Variants in C8B observed in about 807,000 individuals in gnomAD.
C8B encodes the protein complement C8 beta chain, also known as complement component C8 beta chain.
C8B carries 67 observed loss-of-function variants against 64.6 expected under a neutral mutation model. The ratio of observed to expected loss-of-function variants is 1.04; its 90% CI spans 0.85 to 1.27. The LOEUF is 1.27. Ranked by LOEUF, C8B falls within the 50% of genes most tolerant of loss-of-function variation. The pLI is 0.00. For synonymous variants in C8B, 284 were observed against 257.7 expected (o/e 1.10, Z -0.98); for missense variants, 790 against 725.2 (o/e 1.09, Z -1.03).
chr1:56,936,146 A>G (rs1644771665), intron 9 of C8B, among the ~76,000 whole-genome samples: 1 of 152,242 alleles, frequency 6.6e-6, no homozygotes, highest in Non-Finnish European at 1.5e-5. Context: ...CAACTTGTCA[A>G]ATTATTTCTT....
chr1:56,956,320 G>A (rs1570401911), intron 3 of C8B, among the ~76,000 whole-genome samples: 1 of 152,084 alleles, frequency 6.6e-6, no homozygotes, highest in East Asian at 1.9e-4. Context: ...AGACCTGTAA[G>A]GTATTCACAT....
chr1:56,965,739 T>C, intron 1 of C8B, 118 bp downstream of exon 1: 1 of 1,047,362 alleles, frequency 9.5e-7, no homozygotes, highest in Non-Finnish European at 1.5e-6. Flanking sequence ...TGCATGCAAA[T>C]TGCCTTAAGA....
intron 6 of C8B, among the ~76,000 whole-genome samples, chr1:56,946,370 G>A (rs183796234): frequency 3.3e-5 from 5 of 152,258 alleles, no homozygotes; most frequent in East Asian, 1.9e-4. Flanking sequence ...TCTCTGATGG[G>A]ACATGGGGTT....
rs763423680 is a variant in C8B at position 56,952,091 on chromosome 1, G to A, written c.623C>T (p.Thr208Met). ...GGCSPHYILNTRFRKPYNVES... is the reference protein window; with the variant it reads ...GGCSPHYILNMRFRKPYNVES... Reference sequence around the variant, plus strand: ...CACATTGTAGGGCTTCCTAAACCTCGTGTTCAGGATGTAATGCGGGGAGCA... The same window carrying A: ...CACATTGTAGGGCTTCCTAAACCTCATGTTCAGGATGTAATGCGGGGAGCA... The change falls in exon 5 of 12, where the codon ACG (threonine) becomes ATG (methionine). Residue 208 changes from threonine (T) to methionine (M), a missense_variant. Transcript: ENST00000371237. 34 of 1,614,000 alleles carry A rather than the reference G, an allele frequency of 2.1e-5. No homozygotes were observed. Among genetic ancestry groups the A allele is most frequent in the East Asian group, 4.5e-5 (2 of 44,886 alleles).
At chr1:56,936,322 T>G (rs1361518321) in intron 9 of C8B, among the ~76,000 whole-genome samples, 2 of 152,230 alleles carry the variant, frequency 1.3e-5, no homozygotes, top group Admixed American at 6.5e-5. Context: ...TTGAGTATTG[T>G]AGACTTTCAA....
In C8B at chr1:56,940,416, T is replaced by A. The variant is rs971425800; in HGVS notation, c.1398+433A>T. 1.3e-4 allele frequency among the ~76,000 whole-genome samples: 19 copies of A among 149,970 alleles called. 1 individual carries two copies. In the East Asian group the frequency reaches 1.4e-3, roughly 11 times the overall value. ...CCCATTTCTAAAAAAAAAAAAAAAA[T>A]TTAATTAGCCAGGTGTGGTGTCATG... On this transcript the variant is annotated intron_variant, in intron 9 of 11. Coordinates refer to ENST00000371237, the MANE Select transcript of C8B (RefSeq NM_000066.4).
chr1:56,936,606 T>TA (rs1557728353), intron 9 of C8B, among the ~76,000 whole-genome samples: 1 of 151,552 alleles, frequency 6.6e-6, no homozygotes, highest in Non-Finnish European at 1.5e-5. Context: ...CTTTTCTTTT[T>TA]TTTTTTGAGA....
At position 56,965,748 on chromosome 1, in the gene C8B, G is replaced by A. The variant is rs894191981; in HGVS notation, c.92+109C>T. The A allele has an allele frequency of 1.5e-5, 18 of 1,214,156 alleles. No homozygotes were observed. The African/African-American group carries it at 2.1e-4, about 14-fold the overall frequency. The allele number at this position is 1,214,156 out of a possible 1,614,324, so 75.2% of individuals were successfully genotyped here. A position where few individuals can be genotyped will look rare whatever the true frequency, so the allele number is the denominator to read the frequency against. On this transcript the variant is annotated intron_variant, in intron 1 of 11. Transcript: ENST00000371237. ...ATCAGATGCATGCAAATTGCCTTAA[G>A]AGACGTTCCTCATTCAATAGGCATG...
intron 11 of C8B, among the ~76,000 whole-genome samples, chr1:56,930,549 G>C (rs996341057): frequency 1.3e-5 from 2 of 152,140 alleles, no homozygotes; most frequent in Non-Finnish European, 2.9e-5. Context: ...CAAGATGAGA[G>C]GGTGGACAAC....
intron 9 of C8B, among the ~76,000 whole-genome samples, chr1:56,940,015 CGT>C (rs5774317): frequency 0.85 from 127,522 of 150,904 alleles, 54,127 homozygotes; most frequent in South Asian, 0.96. Context: ...AAGATAGTTA[CGT>C]GTGTGTGTGT....
chr1:56,939,888 G>C (rs1644825697), intron 9 of C8B, among the ~76,000 whole-genome samples: 2 of 152,222 alleles, frequency 1.3e-5, no homozygotes, highest in African/African-American at 4.8e-5. Flanking sequence ...TTGCAGACCA[G>C]TGTGGGGATT....
chr1:56,963,233 A>G (rs1645203386), intron 1 of C8B, among the ~76,000 whole-genome samples: 1 of 152,138 alleles, frequency 6.6e-6, no homozygotes, highest in African/African-American at 2.4e-5. Context: ...CAAAATAAAG[A>G]TGGATCCATC....
chr1:56,933,059 T>C (rs2101356147), intron 10 of C8B, among the ~76,000 whole-genome samples: 1 of 152,318 alleles, frequency 6.6e-6, no homozygotes, highest in Non-Finnish European at 1.5e-5. Flanking sequence ...CTTCTCCTAC[T>C]CAGCCCAGGC....
chr1:56,943,871 T>G (rs1448542444), intron 7 of C8B, 47 bp from the exon 8 acceptor site: 1 of 1,608,710 alleles, frequency 6.2e-7, no homozygotes, highest in Non-Finnish European at 8.5e-7. Flanking sequence ...GGTAGTTCAC[T>G]CTGTCCCTTT....
chr1:56,942,362 G>A (rs768503355), intron 8 of C8B, among the ~76,000 whole-genome samples: 5 of 152,200 alleles, frequency 3.3e-5, no homozygotes, highest in South Asian at 2.1e-4. Flanking sequence ...TCATATCAGT[G>A]AGTTATTTCC....
chr1:56,933,978 T>G (rs1644739718), intron 9 of C8B, among the ~76,000 whole-genome samples: 1 of 152,146 alleles, frequency 6.6e-6, no homozygotes, highest in Admixed American at 6.5e-5. Flanking sequence ...CCTCCAAACC[T>G]ATCAAAATCA....
intron 9 of C8B, among the ~76,000 whole-genome samples, chr1:56,940,042 G>C (rs1188213730): frequency 6.6e-6 from 1 of 151,670 alleles, no homozygotes; most frequent in Non-Finnish European, 1.5e-5. Context: ...GTATCTTACT[G>C]TTCCTCGTAG....
rs1645154264 is a variant in C8B at position 56,960,001 on chromosome 1, C to T, written c.249+19G>A. ...AAGGCTCCTGGAAGCTTAGAGCTGT[C>T]CCAGGCCTGGTTGCTTACCCTTTTC... On this transcript the variant is annotated intron_variant, in intron 2 of 11. Transcript: ENST00000371237. The T allele has an allele frequency of 1.2e-6, 2 of 1,613,858 alleles. No individual in the cohort carries two copies. The highest frequency in any genetic ancestry group is 2.7e-5 in the African/African-American group (2 of 74,930).
chr1:56,940,956 C>T lies in C8B; in HGVS notation c.1291G>A (p.Ala431Thr), dbSNP rs1202975681. ...EDLVVLVRGG[A>T]SEHITTLAYQ... ...GCCAGGGTGGTGATGTGCTCACTTG[C>T]CCCTCCTCGTACCAGGACCACCAAG... The change falls in exon 9 of 12, where the codon GCA becomes ACA. Residue 431 changes from alanine to threonine, a missense_variant. Physicochemically the swap from Ala to Thr is moderately conservative, Grantham distance 58. Coordinates refer to ENST00000371237, the MANE Select transcript of C8B (RefSeq NM_000066.4). 1 of 1,613,770 alleles carries T rather than the reference C, an allele frequency of 6.2e-7. No individual in the cohort carries two copies. The highest frequency in any genetic ancestry group is 1.3e-5 in the African/African-American group (1 of 74,824).
Sources: allele counts gnomAD v4.1 joint callset (sites outside exome capture counted in the v4.1 genomes callset), GRCh38; gene constraint gnomAD v4.1.1; transcripts MANE v1.5; gene names NCBI Gene and HGNC (gene_info 2026-07-23, HGNC 2026-07-21).